Variants in MYO5A observed in about 807,000 individuals in gnomAD.
MYO5A encodes myosin VA.
MYO5A carries 98 observed loss-of-function variants against 249.7 expected under a neutral mutation model. The observed-to-expected ratio is 0.39, with a 90% confidence interval of 0.33 to 0.46. MYO5A has a LOEUF of 0.46. MYO5A is among the 20% of genes least tolerant of loss of function. The probability of loss-of-function intolerance (pLI) is 0.98; values close to 1 mark genes in which losing one functional copy is unlikely to be tolerated. For missense variants in MYO5A, 1,696 were observed against 2,308.8 expected, an observed-to-expected ratio of 0.73 and a Z score of 5.44; for synonymous variants, 778 against 810.6, an observed-to-expected ratio of 0.96 and a Z score of 0.68.
chr15:52,327,161 A>G (rs530951306), intron 36 of MYO5A, among the ~76,000 whole-genome samples: 1 of 152,212 alleles, frequency 6.6e-6, no homozygotes, highest in Non-Finnish European at 1.5e-5. Flanking sequence ...TGAATGAGCC[A>G]TATCTTAAAC....
chr15:52,345,879 A>C (rs2141004582), intron 30 of MYO5A, among the ~76,000 whole-genome samples: 1 of 152,332 alleles, frequency 6.6e-6, no homozygotes, highest in Non-Finnish European at 1.5e-5. Context: ...ATGAGCCTTC[A>C]TTCTTCTATC....
At chr15:52,490,344 T>A (rs1183986731) in intron 1 of MYO5A, among the ~76,000 whole-genome samples, 1 of 152,168 alleles carries the variant, frequency 6.6e-6, no homozygotes, top group Non-Finnish European at 1.5e-5. Context: ...CCCATGTCCA[T>A]CAATGGATGA....
chr15:52,500,755 C>A (rs1208026479), intron 1 of MYO5A, among the ~76,000 whole-genome samples: 1 of 151,898 alleles, frequency 6.6e-6, no homozygotes, highest in African/African-American at 2.4e-5. Flanking sequence ...TTTCTTAGTA[C>A]CCTCCAAATC....
chr15:52,522,841 T>TA lies in MYO5A; in HGVS notation c.27+5938dup, dbSNP rs11367026. ...CTTCCTCCAGTTCTCTTTCATTATT[T>TA]AAAAAAAAAAAAAAAAAGCTAAAAG... On this transcript the variant is annotated intron_variant, in intron 1 of 41. Coordinates refer to ENST00000399233, the MANE Select transcript of MYO5A (RefSeq NM_001382347.1). 1.2e-4 allele frequency among the ~76,000 whole-genome samples: 17 copies of TA among 136,234 alleles called. 1 individual carries two copies. The highest frequency in any genetic ancestry group is 3.8e-4 in the African/African-American group (14 of 36,872). The allele number at this position is 136,234 out of a possible 152,430, so 89.4% of individuals were successfully genotyped here.
chr15:52,440,198 C>T (rs771309261), intron 1 of MYO5A, among the ~76,000 whole-genome samples: 1 of 152,170 alleles, frequency 6.6e-6, no homozygotes, highest in Non-Finnish European at 1.5e-5. Context: ...CAGCACTGCC[C>T]TTGCACCTCC....
chr15:52,368,466 T>C (rs2040926405), intron 22 of MYO5A, among the ~76,000 whole-genome samples: 1 of 152,208 alleles, frequency 6.6e-6, no homozygotes, highest in Non-Finnish European at 1.5e-5. Context: ...GCAGTTTTGA[T>C]AAATGCTCTT....
At chr15:52,491,124 T>A (rs2076927887) in intron 1 of MYO5A, among the ~76,000 whole-genome samples, 1 of 152,242 alleles carries the variant, frequency 6.6e-6, no homozygotes, top group South Asian at 2.1e-4. Flanking sequence ...TTAATTTTTT[T>A]AAATTTAAGT....
chr15:52,313,447 T>A lies in MYO5A; in HGVS notation c.*249A>T. The stretch of plus-strand genomic sequence containing the variant: ...TCCTCCCTTCCTTCCATCATTCTCC[T>A]GTATGTAAACTCACGGTACCTAGTT... On this transcript the variant is annotated 3_prime_UTR_variant, in exon 42 of 42. Coordinates refer to ENST00000399233, the MANE Select transcript of MYO5A (RefSeq NM_001382347.1). The A allele has an allele frequency of 2.0e-6, 1 of 488,574 alleles. No homozygotes were observed. The highest frequency in any genetic ancestry group is 4.0e-5 in the East Asian group (1 of 24,938). 30.3% of individuals were successfully genotyped at this position (488,574 alleles called of 1,614,324 possible). A position where few individuals can be genotyped will look rare whatever the true frequency, so the allele number is the denominator to read the frequency against.
At chr15:52,380,874 C>G (rs553780393) in intron 16 of MYO5A, among the ~76,000 whole-genome samples, 1 of 152,280 alleles carries the variant, frequency 6.6e-6, no homozygotes, top group South Asian at 2.1e-4. Context: ...ATACAGAGCT[C>G]CCCTGGAATA....
chr15:52,422,112 G>A (rs2043820722), intron 4 of MYO5A, among the ~76,000 whole-genome samples: 1 of 152,128 alleles, frequency 6.6e-6, no homozygotes, highest in Admixed American at 6.6e-5. Context: ...AAAAAAATAG[G>A]CATGGCAGTC....
chr15:52,345,141 T>G (rs993675928), intron 30 of MYO5A, among the ~76,000 whole-genome samples: 3 of 152,174 alleles, frequency 2.0e-5, no homozygotes, highest in African/African-American at 4.8e-5. Context: ...TATATAAAAT[T>G]TGCATACTAT....
chr15:52,407,166 A>G, intron 8 of MYO5A, 126 bp downstream of exon 8: 4 of 729,288 alleles, frequency 5.5e-6, no homozygotes, highest in South Asian at 4.4e-5. Context: ...AATGTGTTCT[A>G]TGTGGAATAT....
intron 9 of MYO5A, among the ~76,000 whole-genome samples, chr15:52,402,976 G>A (rs1352783756): frequency 1.3e-5 from 2 of 152,180 alleles, no homozygotes; most frequent in African/African-American, 2.4e-5. Context: ...ACAAGCACCG[G>A]TTAGAAAATA....
At chr15:52,353,762 T>G in intron 26 of MYO5A, 104 bp from the exon 27 acceptor site, 2 of 1,598,180 alleles carry the variant, frequency 1.3e-6, no homozygotes, top group Non-Finnish European at 1.7e-6. Flanking sequence ...CCTCACTACT[T>G]TAACCAAGTG....
At chr15:52,464,527 C>T (rs2076315995) in intron 1 of MYO5A, among the ~76,000 whole-genome samples, 2 of 152,174 alleles carry the variant, frequency 1.3e-5, no homozygotes, top group Admixed American at 1.3e-4. Flanking sequence ...ATGTGGGATT[C>T]TTTGTGTCCC....
At chr15:52,398,220 T>C (rs2042574389) in intron 9 of MYO5A, among the ~76,000 whole-genome samples, 1 of 152,214 alleles carries the variant, frequency 6.6e-6, no homozygotes, top group Non-Finnish European at 1.5e-5. Flanking sequence ...ACTTGATAGT[T>C]ATTTGTGTGA....
chr15:52,475,403 A>T (rs1470620238), intron 1 of MYO5A, among the ~76,000 whole-genome samples: 2 of 151,884 alleles, frequency 1.3e-5, no homozygotes, highest in Admixed American at 6.6e-5. Flanking sequence ...TCTGCTCTGA[A>T]CTTAGTTATT....
intron 1 of MYO5A, among the ~76,000 whole-genome samples, chr15:52,502,725 T>C (rs1284292336): frequency 6.6e-6 from 1 of 152,254 alleles, no homozygotes; most frequent in South Asian, 2.1e-4. Context: ...AATTCTCTCA[T>C]TGTGCCATTA....
At chr15:52,331,549 T>C (rs138654204) in intron 34 of MYO5A, among the ~76,000 whole-genome samples, 2 of 152,328 alleles carry the variant, frequency 1.3e-5, no homozygotes, top group East Asian at 3.9e-4. Context: ...TCAAACAAAA[T>C]GCAGATCAGA....
Sources: gnomAD v4.1 joint callset for allele counts (sites outside exome capture counted in the v4.1 genomes callset) on GRCh38, gnomAD v4.1.1 for gene constraint, MANE v1.5 for transcripts, NCBI Gene and HGNC (gene_info 2026-07-23, HGNC 2026-07-21) for gene names.